TMEM178B: variants seen among roughly 807,000 people sequenced by gnomAD.
TMEM178B encodes transmembrane protein 178B.
In TMEM178B, 5 loss-of-function variants were observed where a neutral mutation model predicts 31.0. The observed-to-expected ratio is 0.16, with a 90% CI of 0.08 to 0.34. The LOEUF (loss-of-function observed/expected upper bound fraction) is 0.34, where lower values mean the gene tolerates loss of function less well. Among genes scored for constraint, TMEM178B ranks in the 10% least tolerant of loss-of-function variants. The pLI, the probability that TMEM178B is intolerant of heterozygous loss-of-function variation, is 1.00. For missense variants in TMEM178B, 275 were observed against 400.3 expected (o/e 0.69, Z 2.67); for synonymous variants, 164 against 164.0 (o/e 1.00, Z 0.00).
intron 2 of TMEM178B, among the ~76,000 whole-genome samples, chr7:141,428,368 CAA>C (rs1491261666): frequency 3.9e-5 from 1 of 25,618 alleles, no homozygotes; most frequent in African/African-American, 1.7e-4. Context: ...GACTCCACCT[CAA>C]AAAAAAAAAA....
intron 1 of TMEM178B, among the ~76,000 whole-genome samples, chr7:141,147,745 G>T (rs1418020240): frequency 6.6e-6 from 1 of 152,226 alleles, no homozygotes; most frequent in Non-Finnish European, 1.5e-5. Context: ...AGGTTGTGGG[G>T]GAGTGGGAGA....
At chr7:141,469,093 A>G (rs1455056864) in intron 3 of TMEM178B, among the ~76,000 whole-genome samples, 1 of 152,192 alleles carries the variant, frequency 6.6e-6, no homozygotes, top group South Asian at 2.1e-4. Context: ...GCCTCTTCCT[A>G]TTGGCACAGC....
intron 1 of TMEM178B, among the ~76,000 whole-genome samples, chr7:141,203,417 C>A (rs1364156696): frequency 6.6e-6 from 1 of 152,196 alleles, no homozygotes; most frequent in South Asian, 2.1e-4. Context: ...GGAGACCCCA[C>A]GTGGGCTGGA....
intron 2 of TMEM178B, among the ~76,000 whole-genome samples, chr7:141,227,748 G>C (rs140894217): frequency 6.6e-6 from 1 of 152,298 alleles, no homozygotes; most frequent in African/African-American, 2.4e-5. Context: ...GGGAGGTGAG[G>C]TCACCTGCTA....
At chr7:141,284,992 G>A (rs1320415729) in intron 2 of TMEM178B, among the ~76,000 whole-genome samples, 3 of 151,338 alleles carry the variant, frequency 2.0e-5, no homozygotes, top group African/African-American at 7.3e-5. Context: ...TTATATTTTT[G>A]TGGAGCTGGT....
intron 2 of TMEM178B, among the ~76,000 whole-genome samples, chr7:141,311,090 C>T (rs1046792307): frequency 1.3e-5 from 2 of 152,136 alleles, no homozygotes; most frequent in African/African-American, 2.4e-5. Context: ...TGAGCGGGAG[C>T]TGAACAATGA....
intron 2 of TMEM178B, among the ~76,000 whole-genome samples, chr7:141,339,134 G>T (rs1185765548): frequency 3.3e-5 from 5 of 152,162 alleles, no homozygotes; most frequent in Admixed American, 2.0e-4. Context: ...CTTCATACCA[G>T]GTTGCGATGG....
At chr7:141,402,415 C>T (rs1017271836) in intron 2 of TMEM178B, among the ~76,000 whole-genome samples, 7 of 152,196 alleles carry the variant, frequency 4.6e-5, no homozygotes, top group Non-Finnish European at 1.0e-4. Context: ...CTTCCCTCCC[C>T]CTGCTGCTCA....
At chr7:141,394,617 A>G (rs1370792854) in intron 2 of TMEM178B, among the ~76,000 whole-genome samples, 1 of 152,222 alleles carries the variant, frequency 6.6e-6, no homozygotes, top group Non-Finnish European at 1.5e-5. Context: ...GTGTAGAATA[A>G]TAACCTGTGT....
intron 2 of TMEM178B, among the ~76,000 whole-genome samples, chr7:141,341,581 CA>C (rs1799516492): frequency 6.6e-6 from 1 of 152,174 alleles, no homozygotes. Context: ...ACGGACCGAC[CA>C]TCTTCTGACT....
intron 2 of TMEM178B, among the ~76,000 whole-genome samples, chr7:141,402,590 G>A (rs1037813640): frequency 3.3e-5 from 5 of 152,260 alleles, no homozygotes; most frequent in African/African-American, 1.2e-4. Flanking sequence ...AGCAAGGGGA[G>A]GAGAGAGGAT....
At chr7:141,262,474 A>ATATATATATATATATATATATATAT (rs1798028077) in intron 2 of TMEM178B, among the ~76,000 whole-genome samples, 1 of 131,866 alleles carries the variant, frequency 7.6e-6, no homozygotes, top group Non-Finnish European at 1.6e-5. Flanking sequence ...AAATACATAT[A>ATATATATATATATATATATATATAT]ATATATATAT....
chr7:141,434,372 G>A (rs1022380740), intron 2 of TMEM178B, among the ~76,000 whole-genome samples: 3 of 152,208 alleles, frequency 2.0e-5, no homozygotes, highest in African/African-American at 7.2e-5. Context: ...ACTCTGCAAA[G>A]TTGTCCTGTC....
chr7:141,127,709 G>A (rs1181167699), intron 1 of TMEM178B, among the ~76,000 whole-genome samples: 1 of 152,166 alleles, frequency 6.6e-6, no homozygotes, highest in Admixed American at 6.5e-5. Context: ...CCCAGTTTGT[G>A]GAAGTTTTTT....
chr7:141,511,074 G>A, the TMEM178B span, among the ~76,000 whole-genome samples: 1 of 151,948 alleles, frequency 6.6e-6, no homozygotes, highest in East Asian at 1.9e-4. Context: ...TTCCAACGGA[G>A]AAGTTGCTTT....
At chr7:141,430,825 C>T (rs905966918) in intron 2 of TMEM178B, among the ~76,000 whole-genome samples, 5 of 152,174 alleles carry the variant, frequency 3.3e-5, no homozygotes, top group African/African-American at 1.2e-4. Flanking sequence ...TGAGTTCTGC[C>T]CTCACCACTT....
downstream of TMEM178B, among the ~76,000 whole-genome samples, chr7:141,483,212 C>T (rs1340668952): frequency 6.6e-6 from 1 of 152,110 alleles, no homozygotes; most frequent in Non-Finnish European, 1.5e-5. Context: ...TTGGGGTAAC[C>T]CAAGCCCAGA....
rs58320290 is a variant in TMEM178B at position 141,242,541 on chromosome 7, CTT to C, written c.496+29854_496+29855del. On this transcript the variant is annotated intron_variant, in intron 2 of 3. Transcript: ENST00000565468. The stretch of plus-strand genomic sequence containing the variant: ...ATTACCTACCTTCCCGATTCTTTTC[CTT>C]TTTTTTTTTTTTTTTTGAGACGGAA... Among the ~76,000 whole-genome samples the C allele has an allele frequency of 8.0e-3, 732 of 91,596 alleles. 7 individuals are homozygous for C. The highest frequency in any genetic ancestry group is 9.1e-3 in the Non-Finnish European group (436 of 47,696). 60.1% of individuals were successfully genotyped at this position (91,596 alleles called of 152,430 possible). A position where few individuals can be genotyped will look rare whatever the true frequency, so the allele number is the denominator to read the frequency against.
In TMEM178B at chr7:141,436,676, G is replaced by T. The variant is rs1801548817; in HGVS notation, c.497-932G>T. Among the ~76,000 whole-genome samples the T allele has an allele frequency of 1.3e-5, 2 of 152,060 alleles. 1 individual carries two copies. Among genetic ancestry groups the T allele is most frequent in the South Asian group, 4.1e-4 (2 of 4,830 alleles). ...GGGCACGTGGAAGGGTAGGGGGCTTGAGAGCAGCTCTGGCTGCCTCTGCGT... is the reference window on the plus strand; with the variant it reads ...GGGCACGTGGAAGGGTAGGGGGCTTTAGAGCAGCTCTGGCTGCCTCTGCGT... On this transcript the variant is annotated intron_variant, in intron 2 of 3. Transcript: ENST00000565468.
Sources: gnomAD v4.1 joint callset for allele counts (sites outside exome capture counted in the v4.1 genomes callset) on GRCh38, gnomAD v4.1.1 for gene constraint, MANE v1.5 for transcripts, NCBI Gene and HGNC (gene_info 2026-07-23, HGNC 2026-07-21) for gene names.